CFAP54: variants seen among roughly 807,000 people sequenced by gnomAD.
CFAP54 encodes the protein cilia- and flagella-associated protein 54.
A neutral mutation model predicts 370.4 loss-of-function variants in CFAP54; 290 were observed. The ratio of observed to expected loss-of-function variants is 0.78; its 90% confidence interval spans 0.71 to 0.86. The LOEUF (loss-of-function observed/expected upper bound fraction) is 0.86. Ranked by LOEUF, CFAP54 falls within the 40% of genes least tolerant of loss-of-function variation. CFAP54 has a pLI of 0.00. For synonymous variants in CFAP54, 1,206 were observed against 1,236.5 expected, an observed-to-expected ratio of 0.98 and a Z score of 0.52; for missense variants, 3,399 against 3,528.7, an observed-to-expected ratio of 0.96 and a Z score of 0.93.
At chr12:96,554,830 T>C in intron 17 of CFAP54, 28 bp downstream of exon 17, 3 of 1,507,170 alleles carry the variant, frequency 2.0e-6, no homozygotes, top group Non-Finnish European at 1.8e-6. Flanking sequence ...AAGTAACCAT[T>C]CTGAATCAAT....
chr12:96,689,933 G>C (rs1178861060), intron 43 of CFAP54, among the ~76,000 whole-genome samples: 1 of 152,136 alleles, frequency 6.6e-6, no homozygotes, highest in Admixed American at 6.5e-5. Flanking sequence ...TCTCTGAATG[G>C]AAGGCCAGAC....
intron 55 of CFAP54, among the ~76,000 whole-genome samples, chr12:96,750,172 G>A (rs576839226): frequency 6.2e-4 from 95 of 152,256 alleles, no homozygotes; most frequent in African/African-American, 2.0e-3. Context: ...CCTGATTTTT[G>A]ATCCAAGGCT....
At chr12:96,702,230 TTAAGTA>T (rs59690107) in intron 46 of CFAP54, among the ~76,000 whole-genome samples, 108,418 of 151,876 alleles carry the variant, frequency 0.71, 39,626 homozygotes, top group African/African-American at 0.87. Flanking sequence ...TAGGAGCATG[TTAAGTA>T]TGAGACATGT....
In CFAP54 at chr12:96,742,558, A is replaced by G. The variant is rs114505305; in HGVS notation, c.7191A>G (p.Ala2397=). 3,664 of 1,613,094 alleles carry G rather than the reference A, an allele frequency of 2.3e-3. 5 individuals are homozygous for G. Among genetic ancestry groups the G allele is most frequent in the Non-Finnish European group, 2.9e-3 (3,449 of 1,179,622 alleles). ...CRLALVTAFV[A]QIHGIGIVKE... ...TAGCATTGGTGACTGCATTTGTTGC[A>G]CAGATTCATGGCATTGGAATTGTGA... is the stretch of plus-strand genomic sequence containing the variant. Residue 2397 remains alanine (A), a synonymous_variant, in exon 52 of 68, where the codon GCA becomes GCG. Transcript: ENST00000524981.
chr12:96,851,456 G>A (rs1342724964), intron 66 of CFAP54, among the ~76,000 whole-genome samples: 2 of 151,946 alleles, frequency 1.3e-5, no homozygotes, highest in Non-Finnish European at 2.9e-5. Context: ...TTTAGCTCTT[G>A]TAATAAGGCA....
intron 60 of CFAP54, among the ~76,000 whole-genome samples, chr12:96,776,614 G>A (rs1275744568): frequency 6.6e-6 from 1 of 152,182 alleles, no homozygotes; most frequent in Admixed American, 6.5e-5. Context: ...TATTTCAACA[G>A]CCTTTTCAGA....
chr12:96,825,084 T>C (rs1317527345), intron 65 of CFAP54, among the ~76,000 whole-genome samples: 1 of 150,520 alleles, frequency 6.6e-6, no homozygotes. Context: ...TCTCTACCAG[T>C]TGAAGTTGCA....
At chr12:96,734,168 T>C (rs765424544) in intron 50 of CFAP54, among the ~76,000 whole-genome samples, 15 of 152,202 alleles carry the variant, frequency 9.9e-5, no homozygotes, top group Non-Finnish European at 1.6e-4. Context: ...AGCAAAATCT[T>C]GAGAGTTTAA....
chr12:96,494,419 G>A (rs1470108147), intron 1 of CFAP54, among the ~76,000 whole-genome samples: 1 of 151,970 alleles, frequency 6.6e-6, no homozygotes, highest in Admixed American at 6.6e-5. Context: ...TCCTGCCTCA[G>A]CCTCCTGAGT....
At chr12:96,679,870 C>A (rs1276910081) in intron 40 of CFAP54, 118 bp downstream of exon 40, 2 of 984,950 alleles carry the variant, frequency 2.0e-6, no homozygotes, top group Non-Finnish European at 3.0e-6. Flanking sequence ...CTCCCTGATG[C>A]CTTTCACTTT....
At chr12:96,757,624 T>A in intron 58 of CFAP54, 36 bp downstream of exon 58, 2 of 1,287,272 alleles carry the variant, frequency 1.6e-6, no homozygotes, top group Non-Finnish European at 2.2e-6. Flanking sequence ...ATGAGTTAAT[T>A]GCCTTTGAGC....
intron 55 of CFAP54, 25 bp downstream of exon 55, chr12:96,744,171 C>T (rs763961863): frequency 6.4e-7 from 1 of 1,570,208 alleles, no homozygotes; most frequent in East Asian, 2.2e-5. Flanking sequence ...ACTTATATTG[C>T]CCTAGAATAA....
chr12:96,588,555 A>C (rs1241375170), intron 22 of CFAP54, among the ~76,000 whole-genome samples: 1 of 152,232 alleles, frequency 6.6e-6, no homozygotes, highest in African/African-American at 2.4e-5. Context: ...GTTGGAGATC[A>C]TGAGTATTCA....
At chr12:96,517,875 A>G (rs897083879) in intron 5 of CFAP54, among the ~76,000 whole-genome samples, 1 of 152,156 alleles carries the variant, frequency 6.6e-6, no homozygotes, top group African/African-American at 2.4e-5. Flanking sequence ...TGGACGAGAG[A>G]GCTGAGGGAG....
At chr12:96,621,875 GT>G (rs71068819) in intron 27 of CFAP54, among the ~76,000 whole-genome samples, 154 bp downstream of exon 27, 1,135 of 50,016 alleles carry the variant, frequency 0.023, 3 homozygotes, top group African/African-American at 0.03. Flanking sequence ...TTTTGGGTTT[GT>G]TTTTTTTTTT....
intron 19 of CFAP54, chr12:96,572,945 C>T: frequency 1.0e-6 from 1 of 985,334 alleles, no homozygotes; most frequent in Non-Finnish European, 1.2e-6. Context: ...AGAATTAAGT[C>T]AGAAGGTGCT....
chr12:96,866,491 A>G (rs1420017107), intron 67 of CFAP54, among the ~76,000 whole-genome samples: 1 of 152,168 alleles, frequency 6.6e-6, no homozygotes, highest in African/African-American at 2.4e-5. Flanking sequence ...ACTTTCATAC[A>G]TTTTGTATTT....
At chr12:96,552,171 G>A (rs1209681838) in intron 15 of CFAP54, among the ~76,000 whole-genome samples, 1 of 150,684 alleles carries the variant, frequency 6.6e-6, no homozygotes, top group East Asian at 2.0e-4. Context: ...GCTTGAACCT[G>A]GGAGGCAGAG....
chr12:96,758,161 A>C (rs1031361440), intron 58 of CFAP54, among the ~76,000 whole-genome samples: 1 of 152,216 alleles, frequency 6.6e-6, no homozygotes, highest in African/African-American at 2.4e-5. Context: ...AGGAAAACAG[A>C]TAATAAACCA....
Sources: gnomAD v4.1 joint callset for allele counts (sites outside exome capture counted in the v4.1 genomes callset) on GRCh38, gnomAD v4.1.1 for gene constraint, MANE v1.5 for transcripts, NCBI Gene and HGNC (gene_info 2026-07-23, HGNC 2026-07-21) for gene names.